The following ARNT variants were observed in gnomAD, a reference collection of about 807,000 sequenced individuals.
The protein encoded by ARNT is class E basic helix-loop-helix protein 2.
Under a neutral mutation model 105.0 loss-of-function variants are expected in ARNT, and 30 were observed. That is an observed-to-expected ratio of 0.29 (90% CI 0.21 to 0.39). The LOEUF (loss-of-function observed/expected upper bound fraction) is 0.39. ARNT is among the 10% of genes least tolerant of loss of function. The probability of loss-of-function intolerance (pLI) is 1.00; values close to 1 mark genes in which losing one functional copy is unlikely to be tolerated. For synonymous variants in ARNT, 304 were observed against 344.0 expected (o/e 0.88, Z 1.29); for missense variants, 748 against 978.7 (o/e 0.76, Z 3.15).
At chr1:150,844,507 G>C (rs1194483809) in intron 4 of ARNT, among the ~76,000 whole-genome samples, 1 of 151,964 alleles carries the variant, frequency 6.6e-6, no homozygotes, top group Non-Finnish European at 1.5e-5. Flanking sequence ...TACATCAACG[G>C]TTCTTAAAGT....
At chr1:150,836,211 C>T in intron 7 of ARNT, 69 bp downstream of exon 7, 1 of 1,488,934 alleles carries the variant, frequency 6.7e-7, no homozygotes, top group South Asian at 1.2e-5. Context: ...ACAGCTAAAA[C>T]ATCTCTTAAG....
intron 14 of ARNT, among the ~76,000 whole-genome samples, chr1:150,820,777 TAG>T (rs1656887468): frequency 6.6e-6 from 1 of 152,006 alleles, no homozygotes; most frequent in South Asian, 2.1e-4. Flanking sequence ...ACTAGAAAAG[TAG>T]AGGAGAAAGG....
intron 2 of ARNT, among the ~76,000 whole-genome samples, chr1:150,856,561 G>A (rs1196510276): frequency 2.6e-5 from 4 of 152,050 alleles, no homozygotes; most frequent in Non-Finnish European, 5.9e-5. Context: ...TCAGGAGTTC[G>A]AGACCAGCCT....
intron 13 of ARNT, among the ~76,000 whole-genome samples, chr1:150,825,920 C>CT (rs755090857): frequency 0.012 from 1,747 of 144,878 alleles, 32 homozygotes; most frequent in African/African-American, 0.034. Flanking sequence ...TCTTTTTTAT[C>CT]TTTTTTTTTT....
At chr1:150,864,705 A>G (rs1666233134) in intron 1 of ARNT, among the ~76,000 whole-genome samples, 1 of 149,574 alleles carries the variant, frequency 6.7e-6, no homozygotes, top group Non-Finnish European at 1.5e-5. Flanking sequence ...TGGCACATGT[A>G]TACATATGTA....
At chr1:150,830,497 T>C (rs1659174633) in intron 10 of ARNT, 1 of 152,448 alleles carries the variant, frequency 6.6e-6, no homozygotes. Context: ...TTTACATATA[T>C]ATTAATTCCT....
chr1:150,857,173 TTTC>T (rs1664774828), intron 2 of ARNT, among the ~76,000 whole-genome samples: 1 of 152,218 alleles, frequency 6.6e-6, no homozygotes, highest in Non-Finnish European at 1.5e-5. Context: ...TACTGTAACC[TTTC>T]TTAATAGATT....
intron 13 of ARNT, among the ~76,000 whole-genome samples, chr1:150,824,414 A>G (rs759478913): frequency 2.7e-5 from 4 of 147,178 alleles, no homozygotes; most frequent in Non-Finnish European, 4.5e-5. Context: ...CTTCAATCCT[A>G]TTTTTTCCCC....
chr1:150,835,873 A>T lies in ARNT; in HGVS notation c.700+407T>A, dbSNP rs587682546. Among the ~76,000 whole-genome samples the T allele has an allele frequency of 4.1e-4, 63 of 152,278 alleles. 1 individual carries two copies. The South Asian group carries it at 0.013, about 31-fold the overall frequency. On this transcript the variant is annotated intron_variant, in intron 7 of 21. Transcript: ENST00000358595. The stretch of plus-strand genomic sequence containing the variant: ...AAAACACCTTATACATTGACCAATA[A>T]CCATATCTATAGAATAAAAAGCTGT...
Position 150,816,242 on chromosome 1 carries a change from CAG to C in ARNT, c.1950+15_1950+16del. 1 of 1,592,114 alleles carries C rather than the reference CAG, an allele frequency of 6.3e-7. No individual in the cohort carries two copies. On this transcript the variant is annotated intron_variant, in intron 19 of 21. Coordinates refer to ENST00000358595, the MANE Select transcript of ARNT (RefSeq NM_001668.4). ...CAAAAAATAATACACAGGGAACACA[CAG>C]ATGATAAGTTTTACCTGGGCAGAAA...
At chr1:150,819,451 C>T (rs1169601952) in intron 14 of ARNT, among the ~76,000 whole-genome samples, 2 of 152,116 alleles carry the variant, frequency 1.3e-5, no homozygotes, top group Non-Finnish European at 2.9e-5. Flanking sequence ...AGCATTTTTT[C>T]AGTTCCTTAT....
intron 1 of ARNT, 23 bp downstream of exon 1, chr1:150,876,520 G>T: frequency 1.3e-6 from 2 of 1,549,700 alleles, no homozygotes; most frequent in Non-Finnish European, 1.7e-6. Context: ...CTTTAGAGGC[G>T]CCCCAGTCCT....
At chr1:150,842,395 C>T in intron 5 of ARNT, 29 bp downstream of exon 5, 3 of 1,604,830 alleles carry the variant, frequency 1.9e-6, no homozygotes, top group Non-Finnish European at 2.6e-6. Flanking sequence ...TCATCTGCTT[C>T]ATCATGCTAA....
chr1:150,864,311 A>C (rs759100446), intron 1 of ARNT, among the ~76,000 whole-genome samples: 1 of 152,202 alleles, frequency 6.6e-6, no homozygotes, highest in Non-Finnish European at 1.5e-5. Flanking sequence ...TAGGTGACAC[A>C]TAACAGCAAC....
intron 14 of ARNT, among the ~76,000 whole-genome samples, chr1:150,820,315 A>C (rs928912670): frequency 6.6e-6 from 1 of 152,200 alleles, no homozygotes; most frequent in African/African-American, 2.4e-5. Context: ...TGATACATAG[A>C]ATTGAAACTA....
intron 3 of ARNT, among the ~76,000 whole-genome samples, chr1:150,847,675 C>A (rs1662502115): frequency 6.6e-6 from 1 of 152,176 alleles, no homozygotes; most frequent in African/African-American, 2.4e-5. Context: ...TTCATACACA[C>A]AGTGAAGTTC....
At chr1:150,859,344 CTTTTTTT>C (rs587772891) in intron 1 of ARNT, among the ~76,000 whole-genome samples, 1 of 133,898 alleles carries the variant, frequency 7.5e-6, no homozygotes, top group Non-Finnish European at 1.6e-5. Context: ...CAGCTGAGTA[CTTTTTTT>C]TTTTTTTTTT....
intron 1 of ARNT, among the ~76,000 whole-genome samples, chr1:150,870,485 T>C (rs587767492): frequency 1.3e-5 from 2 of 152,288 alleles, no homozygotes; most frequent in South Asian, 4.1e-4. Flanking sequence ...ATGGAACTTA[T>C]ATCCTAAGTA....
intron 1 of ARNT, among the ~76,000 whole-genome samples, chr1:150,866,698 T>TAC (rs71703142): frequency 0.056 from 8,498 of 151,600 alleles, 813 homozygotes; most frequent in African/African-American, 0.19. Context: ...CACATACATA[T>TAC]ACACACACAC....
Sources: gnomAD v4.1 joint callset for allele counts (sites outside exome capture counted in the v4.1 genomes callset) on GRCh38, gnomAD v4.1.1 for gene constraint, MANE v1.5 for transcripts, NCBI Gene and HGNC (gene_info 2026-07-23, HGNC 2026-07-21) for gene names.